GARNL3: variants seen among roughly 807,000 people sequenced by gnomAD.
GARNL3 encodes GTPase activating Rap/RanGAP domain like 3.
In GARNL3, 63 loss-of-function variants were observed where a neutral mutation model predicts 125.0. The ratio of observed to expected loss-of-function variants is 0.50; its 90% CI spans 0.41 to 0.62. The LOEUF (loss-of-function observed/expected upper bound fraction) is 0.62, where lower values mean the gene tolerates loss of function less well. Among genes scored for constraint, GARNL3 ranks in the 20% least tolerant of loss-of-function variants. GARNL3 has a pLI of 0.00. For synonymous variants in GARNL3, 439 were observed against 457.5 expected (o/e 0.96, Z 0.52); for missense variants, 994 against 1,244.0 (o/e 0.80, Z 3.02).
intron 21 of GARNL3, 59 bp from the exon 22 acceptor site, chr9:127,365,241 A>G: frequency 7.0e-7 from 1 of 1,430,224 alleles, no homozygotes; most frequent in Non-Finnish European, 9.9e-7. Flanking sequence ...AACTTGTAAA[A>G]GTCTTTTCAC....
intron 7 of GARNL3, among the ~76,000 whole-genome samples, 167 bp downstream of exon 7, chr9:127,325,262 A>G (rs1367464099): frequency 3.3e-5 from 5 of 152,218 alleles, no homozygotes; most frequent in Admixed American, 2.6e-4. Context: ...TTTTTAAGGT[A>G]TATTTTAGAA....
At chr9:127,261,584 A>G (rs2131250487), upstream of GARNL3, among the ~76,000 whole-genome samples, 1 of 150,798 alleles carries the variant, frequency 6.6e-6, no homozygotes, top group African/African-American at 2.4e-5. Context: ...CTAATTTTGT[A>G]TTTTTTTTAG....
At chr9:127,361,924 G>A (rs1054091029) in intron 21 of GARNL3, 19 of 151,932 alleles carry the variant, frequency 1.3e-4, no homozygotes, top group African/African-American at 4.4e-4. Context: ...CTAAAAGCCT[G>A]TCTAGTTCCA....
chr9:127,311,444 C>T (rs2065095949), intron 2 of GARNL3, among the ~76,000 whole-genome samples, 192 bp from the exon 3 acceptor site: 1 of 152,130 alleles, frequency 6.6e-6, no homozygotes, highest in African/African-American at 2.4e-5. Flanking sequence ...TCCTACACCC[C>T]AAAGGCCTCC....
intron 22 of GARNL3, among the ~76,000 whole-genome samples, chr9:127,381,206 T>C (rs1832238599): frequency 6.6e-6 from 1 of 152,236 alleles, no homozygotes; most frequent in Non-Finnish European, 1.5e-5. Flanking sequence ...GGATGAATTT[T>C]GTGGTCTATA....
intron 1 of GARNL3, among the ~76,000 whole-genome samples, chr9:127,228,144 C>A (rs28522120): frequency 0.16 from 25,058 of 152,136 alleles, 6,334 homozygotes; most frequent in African/African-American, 0.55. Context: ...TCTGAAATCT[C>A]TTTTAAATTG....
At position 127,389,675 on chromosome 9, in the gene GARNL3, T is replaced by C. The variant is rs118109526; in HGVS notation, c.2743+556T>C. On this transcript the variant is annotated intron_variant, in intron 26 of 27. Transcript: ENST00000373387. ...GGCTCACACCTGTTATCTCAGCATTTTGGGAGAGGCTGAGGCAGGCAGATC... is the reference window on the plus strand; with the variant it reads ...GGCTCACACCTGTTATCTCAGCATTCTGGGAGAGGCTGAGGCAGGCAGATC... 6.1e-3 allele frequency among the ~76,000 whole-genome samples: 929 copies of C among 152,110 alleles called. 2 individuals are homozygous for C. Among genetic ancestry groups the C allele is most frequent in the Non-Finnish European group, 0.01 (713 of 67,974 alleles).
upstream of GARNL3, among the ~76,000 whole-genome samples, chr9:127,260,693 A>G (rs533673495): frequency 6.6e-6 from 1 of 152,324 alleles, no homozygotes; most frequent in East Asian, 1.9e-4. Context: ...CTATGCTCCA[A>G]TAAAACTTTG....
chr9:127,324,429 G>T (rs1408470269), intron 6 of GARNL3, among the ~76,000 whole-genome samples: 1 of 152,088 alleles, frequency 6.6e-6, no homozygotes, highest in Non-Finnish European at 1.5e-5. Flanking sequence ...GAGGATGAGG[G>T]TCCCTCCAGC....
Position 127,349,672 on chromosome 9 carries a change from C to T in GARNL3, c.1543+637C>T, listed in dbSNP as rs1331842543. Among the ~76,000 whole-genome samples, 7 of 151,942 alleles carry T rather than the reference C, an allele frequency of 4.6e-5. No homozygotes were observed. In the East Asian group the frequency reaches 1.2e-3, roughly 25 times the overall value. ...TTCAGAGCAGGTGTAGACTCAAGGACAGTGTGGTCCCTTCCATCAGGAGTC... is the reference window on the plus strand; with the variant it reads ...TTCAGAGCAGGTGTAGACTCAAGGATAGTGTGGTCCCTTCCATCAGGAGTC... On this transcript the variant is annotated intron_variant, in intron 17 of 27. Transcript: ENST00000373387.
At chr9:127,313,337 C>A in intron 3 of GARNL3, 104 bp from the exon 4 acceptor site, 1 of 809,226 alleles carries the variant, frequency 1.2e-6, no homozygotes, top group Non-Finnish European at 2.2e-6. Flanking sequence ...GATTATTGTT[C>A]CCTGAGCATG....
intron 25 of GARNL3, among the ~76,000 whole-genome samples, chr9:127,387,559 A>G (rs1832608847): frequency 6.6e-6 from 1 of 151,868 alleles, no homozygotes; most frequent in Non-Finnish European, 1.5e-5. Flanking sequence ...CCTGACCAAC[A>G]TGGTGAAACC....
At chr9:127,309,742 C>CA (rs35069206) in intron 2 of GARNL3, among the ~76,000 whole-genome samples, 24,675 of 151,952 alleles carry the variant, frequency 0.16, 2,630 homozygotes, top group South Asian at 0.35. Context: ...AGTTGCCCCC[C>CA]AAAAAAAGCT....
At chr9:127,231,469 T>G (rs1037315963) in intron 1 of GARNL3, among the ~76,000 whole-genome samples, 3 of 152,164 alleles carry the variant, frequency 2.0e-5, no homozygotes, top group Admixed American at 6.5e-5. Context: ...TATTTTCTAT[T>G]GCTGAGCTGT....
intron 18 of GARNL3, 104 bp downstream of exon 18, chr9:127,354,048 C>A: frequency 1.2e-6 from 1 of 802,860 alleles, no homozygotes; most frequent in Non-Finnish European, 2.1e-6. Flanking sequence ...GTTCTGCCAG[C>A]TGTTTCCTTT....
At chr9:127,362,430 AC>A (rs1338950105) in intron 21 of GARNL3, 1 of 152,106 alleles carries the variant, frequency 6.6e-6, no homozygotes, top group Non-Finnish European at 1.5e-5. Flanking sequence ...TCACTTACTT[AC>A]CCCAGAGCAC....
chr9:127,302,164 G>A (rs2064814895), intron 2 of GARNL3, among the ~76,000 whole-genome samples: 1 of 151,724 alleles, frequency 6.6e-6, no homozygotes, highest in East Asian at 1.9e-4. Flanking sequence ...GGATGGTCTC[G>A]ATCTCCTGAC....
intron 4 of GARNL3, among the ~76,000 whole-genome samples, chr9:127,314,689 TGCCATGTATGAGGAGA>T (rs2065189530): frequency 6.6e-6 from 1 of 152,248 alleles, no homozygotes; most frequent in African/African-American, 2.4e-5. Flanking sequence ...CTGAGATGGC[TGCCATGTATGAGGAGA>T]GACAGAGTGG....
At chr9:127,270,655 C>T (rs1366992341) in intron 1 of GARNL3, among the ~76,000 whole-genome samples, 1 of 152,214 alleles carries the variant, frequency 6.6e-6, no homozygotes, top group African/African-American at 2.4e-5. Context: ...GTTCCTTCCT[C>T]TGCTATTCTG....
Sources: allele counts gnomAD v4.1 joint callset (sites outside exome capture counted in the v4.1 genomes callset), GRCh38; gene constraint gnomAD v4.1.1; transcripts MANE v1.5; gene names NCBI Gene and HGNC (gene_info 2026-07-23, HGNC 2026-07-21).